FAM171A1: variants seen among roughly 807,000 people sequenced by gnomAD.
FAM171A1 encodes the protein family with sequence similarity 171 member A1.
In FAM171A1, 23 loss-of-function variants were observed where a neutral mutation model predicts 74.9. The observed-to-expected ratio is 0.31, with a 90% CI of 0.22 to 0.44. FAM171A1 has a LOEUF of 0.44. Among genes scored for constraint, FAM171A1 ranks in the 20% least tolerant of loss-of-function variants. The probability of loss-of-function intolerance (pLI) is 1.00; values close to 1 mark genes in which losing one functional copy is unlikely to be tolerated. For synonymous variants in FAM171A1, 527 were observed against 505.7 expected, an observed-to-expected ratio of 1.04 and a Z score of -0.57; for missense variants, 1,162 against 1,159.2, an observed-to-expected ratio of 1.00 and a Z score of -0.03.
At chr10:15,352,103 G>C (rs1835887348) in intron 1 of FAM171A1, among the ~76,000 whole-genome samples, 1 of 150,692 alleles carries the variant, frequency 6.6e-6, no homozygotes, top group Non-Finnish European at 1.5e-5. Context: ...AGCTGGGTGT[G>C]GTGTGCACAC....
chr10:15,233,508 C>T (rs113649198), intron 5 of FAM171A1, among the ~76,000 whole-genome samples: 3 of 142,368 alleles, frequency 2.1e-5, no homozygotes, highest in East Asian at 2.1e-4. Context: ...CTGCACATGC[C>T]GGGTGTATTC....
chr10:15,217,184 C>T (rs189542191), intron 6 of FAM171A1, among the ~76,000 whole-genome samples: 66 of 152,164 alleles, frequency 4.3e-4, no homozygotes, highest in Non-Finnish European at 3.4e-4. Flanking sequence ...TTTTATGTTC[C>T]GTAGTAGTAC....
chr10:15,216,118 G>A lies in FAM171A1; in HGVS notation c.872-8C>T, dbSNP rs142266275. The stretch of plus-strand genomic sequence containing the variant: ...CCTGTGTTACAACGGGACCTAGAAG[G>A]TCAGAAAATGGCATTTAGAGTTTTG... On this transcript the variant is annotated splice_polypyrimidine_tract_variant and splice_region_variant and intron_variant, in intron 6 of 7. Transcript: ENST00000378116. 3.2e-6 allele frequency: 5 copies of A among 1,557,178 alleles called. No homozygotes were observed. The highest frequency in any genetic ancestry group is 4.3e-6 in the Non-Finnish European group (5 of 1,150,708).
At chr10:15,317,761 T>C (rs1835440197) in intron 1 of FAM171A1, among the ~76,000 whole-genome samples, 2 of 152,208 alleles carry the variant, frequency 1.3e-5, no homozygotes, top group African/African-American at 2.4e-5. Flanking sequence ...CTAGGGTCCA[T>C]GCTCAATTTT....
At chr10:15,225,869 C>T (rs1487364048) in intron 5 of FAM171A1, among the ~76,000 whole-genome samples, 1 of 152,218 alleles carries the variant, frequency 6.6e-6, no homozygotes, top group Non-Finnish European at 1.5e-5. Flanking sequence ...TGGGATGCTC[C>T]TGGGTGAGGA....
At chr10:15,340,515 G>A (rs1835753318) in intron 1 of FAM171A1, among the ~76,000 whole-genome samples, 1 of 152,156 alleles carries the variant, frequency 6.6e-6, no homozygotes, top group Non-Finnish European at 1.5e-5. Context: ...AGGCCCAACT[G>A]TCTGTATTAG....
intron 5 of FAM171A1, among the ~76,000 whole-genome samples, chr10:15,247,781 C>A (rs1487476175): frequency 1.3e-5 from 2 of 152,126 alleles, no homozygotes; most frequent in Admixed American, 1.3e-4. Context: ...CCTACTATAT[C>A]ATTTTTATTT....
At chr10:15,335,719 T>C (rs1373851998) in intron 1 of FAM171A1, among the ~76,000 whole-genome samples, 1 of 152,220 alleles carries the variant, frequency 6.6e-6, no homozygotes, top group South Asian at 2.1e-4. Context: ...AACACATTCT[T>C]TGTGCGTTAG....
At chr10:15,257,247 C>T (rs1834592134) in intron 3 of FAM171A1, among the ~76,000 whole-genome samples, 1 of 152,156 alleles carries the variant, frequency 6.6e-6, no homozygotes, top group Admixed American at 6.6e-5. Flanking sequence ...GGAGGAGCCC[C>T]TGTGAGATGG....
chr10:15,229,463 C>CCAT (rs139784113), intron 5 of FAM171A1, among the ~76,000 whole-genome samples: 20,501 of 149,420 alleles, frequency 0.14, 1,622 homozygotes, highest in Middle Eastern at 0.19. Context: ...ATCATTGTCA[C>CCAT]CATCATCACC....
intron 1 of FAM171A1, among the ~76,000 whole-genome samples, chr10:15,336,731 A>G (rs1835705111): frequency 6.6e-6 from 1 of 152,198 alleles, no homozygotes; most frequent in African/African-American, 2.4e-5. Flanking sequence ...AAGTATTAGT[A>G]CACTGACAGA....
intron 1 of FAM171A1, among the ~76,000 whole-genome samples, chr10:15,342,448 G>A (rs1835775457): frequency 6.6e-6 from 1 of 152,118 alleles, no homozygotes; most frequent in South Asian, 2.1e-4. Flanking sequence ...CGCTCCTGTA[G>A]TCTCAGCTAC....
At chr10:15,234,562 T>C (rs965988927) in intron 5 of FAM171A1, among the ~76,000 whole-genome samples, 1 of 152,146 alleles carries the variant, frequency 6.6e-6, no homozygotes, top group Admixed American at 6.5e-5. Flanking sequence ...CTCACTCTAG[T>C]AGCCCATGAG....
rs571130298 is a variant in FAM171A1 at position 15,321,869 on chromosome 10, T to TTA, written c.98-37766_98-37765dup. On this transcript the variant is annotated intron_variant, in intron 1 of 7. Transcript: ENST00000378116. ...TCACCTAATAGTGGTTTCCAACTCT[T>TTA]TAGTTAAGCAAGGAACACACACAGC... Among the ~76,000 whole-genome samples, 3 of 152,350 alleles carry TTA rather than the reference T, an allele frequency of 2.0e-5. No homozygotes were observed. The South Asian group carries it at 6.2e-4, about 32-fold the overall frequency.
chr10:15,252,252 C>T (rs1834519133), intron 4 of FAM171A1, among the ~76,000 whole-genome samples: 1 of 152,208 alleles, frequency 6.6e-6, no homozygotes, highest in Non-Finnish European at 1.5e-5. Flanking sequence ...TCTCCACTTA[C>T]TTACAACTCT....
chr10:15,304,401 T>A (rs894024579), intron 1 of FAM171A1, among the ~76,000 whole-genome samples: 1 of 152,020 alleles, frequency 6.6e-6, no homozygotes, highest in African/African-American at 2.4e-5. Context: ...CCCAGCCACA[T>A]CCCCTAGGGG....
At position 15,220,934 on chromosome 10, in the gene FAM171A1, T is replaced by C. The variant is rs1834029388; in HGVS notation, c.871+10A>G. The C allele has an allele frequency of 6.2e-7, 1 of 1,604,856 alleles. No individual in the cohort carries two copies. Among genetic ancestry groups the C allele is most frequent in the Non-Finnish European group, 8.5e-7 (1 of 1,172,450 alleles). ...GATCCGCATCATCGCAAGTGTTGGC[T>C]CCGTGTTACCTGGGATGGGAGGGGA... On this transcript the variant is annotated intron_variant, in intron 6 of 7. Transcript: ENST00000378116.
intron 1 of FAM171A1, among the ~76,000 whole-genome samples, chr10:15,365,038 T>C (rs1836042073): frequency 6.6e-6 from 1 of 152,184 alleles, no homozygotes; most frequent in Non-Finnish European, 1.5e-5. Flanking sequence ...ATGGACATTC[T>C]GGGGGCCATT....
At chr10:15,336,315 A>AT (rs35026811) in intron 1 of FAM171A1, among the ~76,000 whole-genome samples, 132,217 of 147,560 alleles carry the variant, frequency 0.9, 59,217 homozygotes, top group East Asian at 0.99. Flanking sequence ...AAAGACCCAG[A>AT]TTTTTTTTTT....
Sources: gnomAD v4.1 joint callset for allele counts (sites outside exome capture counted in the v4.1 genomes callset) on GRCh38, gnomAD v4.1.1 for gene constraint, MANE v1.5 for transcripts, NCBI Gene and HGNC (gene_info 2026-07-23, HGNC 2026-07-21) for gene names.